The following RSRC1 variants were observed in gnomAD, a reference collection of about 807,000 sequenced individuals.
RSRC1 encodes serine/Arginine-related protein 53.
RSRC1 carries 39 observed loss-of-function variants against 49.1 expected under a neutral mutation model. The ratio of observed to expected loss-of-function variants is 0.79; its 90% CI spans 0.61 to 1.04. The LOEUF (loss-of-function observed/expected upper bound fraction) is 1.04, where lower values mean the gene tolerates loss of function less well. Ranked by LOEUF, RSRC1 falls within the 50% of genes least tolerant of loss-of-function variation. The pLI is 0.00. For synonymous variants in RSRC1, 143 were observed against 130.8 expected (o/e 1.09, Z -0.63); for missense variants, 388 against 402.4 (o/e 0.96, Z 0.31).
In RSRC1 at chr3:158,364,599, A is replaced by G. The variant is rs565573864; in HGVS notation, c.583+9691A>G. ...CTAATGGGTTGTTGTTATGGATTTCAATGAGTTAGTATTTATAAAACACTT... is the reference window on the plus strand; with the variant it reads ...CTAATGGGTTGTTGTTATGGATTTCGATGAGTTAGTATTTATAAAACACTT... On this transcript the variant is annotated intron_variant, in intron 6 of 9. Coordinates refer to ENST00000611884, the MANE Select transcript of RSRC1 (RefSeq NM_001271838.2). Among the ~76,000 whole-genome samples, 28 of 152,124 alleles carry G rather than the reference A, an allele frequency of 1.8e-4. No individual in the cohort carries two copies. In the East Asian group the frequency reaches 3.1e-3, roughly 17 times the overall value.
chr3:158,467,327 T>C (rs1370847028), intron 7 of RSRC1, among the ~76,000 whole-genome samples: 1 of 152,110 alleles, frequency 6.6e-6, no homozygotes, highest in East Asian at 1.9e-4. Context: ...TGAAAACAAA[T>C]CATAAAATAC....
chr3:158,276,282 T>C, intron 4 of RSRC1: 1 of 764,524 alleles, frequency 1.3e-6, no homozygotes, highest in Admixed American at 1.7e-5. Flanking sequence ...TCTGCACAAT[T>C]TATCAGGCCA....
At chr3:158,157,433 G>A (rs1033192270) in intron 3 of RSRC1, among the ~76,000 whole-genome samples, 1 of 152,146 alleles carries the variant, frequency 6.6e-6, no homozygotes, top group South Asian at 2.1e-4. Flanking sequence ...TATCTGGCTC[G>A]AGCCCTCTTC....
At chr3:158,260,859 A>G (rs982798156) in intron 4 of RSRC1, among the ~76,000 whole-genome samples, 4 of 152,108 alleles carry the variant, frequency 2.6e-5, no homozygotes, top group East Asian at 1.9e-4. Flanking sequence ...GAGTTCCAAC[A>G]TAAAGTCCCA....
chr3:158,259,674 C>T, intron 4 of RSRC1, among the ~76,000 whole-genome samples: 1 of 152,132 alleles, frequency 6.6e-6, no homozygotes, highest in East Asian at 1.9e-4. Flanking sequence ...CAGCGAGTTC[C>T]CCCCAGCCCC....
At chr3:158,334,755 G>A (rs749196244) in intron 5 of RSRC1, among the ~76,000 whole-genome samples, 10 of 151,590 alleles carry the variant, frequency 6.6e-5, no homozygotes, top group Middle Eastern at 3.4e-3. Flanking sequence ...TCCTGACCTC[G>A]TGATCTGCCC....
intron 4 of RSRC1, among the ~76,000 whole-genome samples, chr3:158,245,663 T>A (rs1723847263): frequency 6.6e-6 from 1 of 152,192 alleles, no homozygotes; most frequent in African/African-American, 2.4e-5. Flanking sequence ...TAAATCTCTT[T>A]GAAGATCTCT....
intron 7 of RSRC1, among the ~76,000 whole-genome samples, chr3:158,515,944 C>T (rs1352727922): frequency 1.3e-5 from 2 of 151,202 alleles, no homozygotes; most frequent in Non-Finnish European, 3.0e-5. Context: ...TGGTTTTCAG[C>T]TCCATCAGCT....
At chr3:158,169,113 C>G (rs1471590964) in intron 3 of RSRC1, among the ~76,000 whole-genome samples, 1 of 152,130 alleles carries the variant, frequency 6.6e-6, no homozygotes, top group Non-Finnish European at 1.5e-5. Flanking sequence ...GCTGCCTTTC[C>G]CTTTTGTGGT....
chr3:158,230,029 G>A (rs148820118), intron 4 of RSRC1, among the ~76,000 whole-genome samples: 153 of 152,070 alleles, frequency 1.0e-3, no homozygotes, highest in African/African-American at 3.4e-3. Context: ...CCTAGGATGC[G>A]ATCTAGGATC....
intron 4 of RSRC1, among the ~76,000 whole-genome samples, chr3:158,232,685 G>A (rs1723034026): frequency 6.6e-6 from 1 of 152,014 alleles, no homozygotes; most frequent in Non-Finnish European, 1.5e-5. Context: ...TTTAGCCTAT[G>A]TCTGGGGAGC....
At chr3:158,125,350 G>A (rs1192277808) in intron 3 of RSRC1, among the ~76,000 whole-genome samples, 1 of 151,606 alleles carries the variant, frequency 6.6e-6, no homozygotes, top group Non-Finnish European at 1.5e-5. Flanking sequence ...TTAAATGTAG[G>A]TGTTCATGCT....
At chr3:158,358,951 C>CA (rs1553792754) in intron 6 of RSRC1, among the ~76,000 whole-genome samples, 266 of 144,950 alleles carry the variant, frequency 1.8e-3, no homozygotes, top group Non-Finnish European at 2.3e-3. Flanking sequence ...CACACACACA[C>CA]AACTTATTAA....
intron 6 of RSRC1, among the ~76,000 whole-genome samples, chr3:158,448,138 T>C (rs574135263): frequency 2.6e-5 from 4 of 151,994 alleles, no homozygotes; most frequent in East Asian, 3.9e-4. Context: ...CGACTTCAAA[T>C]TGACATCAAG....
intron 3 of RSRC1, among the ~76,000 whole-genome samples, chr3:158,201,951 A>G (rs1721071465): frequency 6.6e-6 from 1 of 152,112 alleles, no homozygotes; most frequent in African/African-American, 2.4e-5. Context: ...TCCTCGAAAA[A>G]TGTACCTTTG....
intron 5 of RSRC1, among the ~76,000 whole-genome samples, chr3:158,349,691 C>CTTTTTTTTTT (rs775736592): frequency 1.1e-4 from 8 of 74,840 alleles, no homozygotes; most frequent in Admixed American, 2.0e-4. Flanking sequence ...TCTTACTGCC[C>CTTTTTTTTTT]TTTTTTTTTT....
intron 4 of RSRC1, among the ~76,000 whole-genome samples, chr3:158,245,405 T>C (rs1025192407): frequency 1.3e-5 from 2 of 152,188 alleles, no homozygotes; most frequent in African/African-American, 4.8e-5. Flanking sequence ...ATTTCAGTTA[T>C]TTTGCGTTTG....
intron 3 of RSRC1, among the ~76,000 whole-genome samples, chr3:158,196,307 T>C (rs1027014643): frequency 1.6e-4 from 25 of 152,232 alleles, no homozygotes; most frequent in South Asian, 1.2e-3. Flanking sequence ...TGTTTGTCTG[T>C]TATTGGTGTA....
intron 3 of RSRC1, among the ~76,000 whole-genome samples, chr3:158,201,182 C>G (rs1409786086): frequency 1.3e-5 from 2 of 152,072 alleles, no homozygotes; most frequent in African/African-American, 4.8e-5. Flanking sequence ...ATTCCACTGT[C>G]TTCTGATTTC....
Sources: gnomAD v4.1 joint callset for allele counts (sites outside exome capture counted in the v4.1 genomes callset) on GRCh38, gnomAD v4.1.1 for gene constraint, MANE v1.5 for transcripts, NCBI Gene and HGNC (gene_info 2026-07-23, HGNC 2026-07-21) for gene names.